Variants in GOT1 observed in about 807,000 individuals in gnomAD.
GOT1 encodes the protein glutamic-oxaloacetic transaminase 1, also known as aspartate aminotransferase, cytoplasmic.
A neutral mutation model predicts 48.2 loss-of-function variants in GOT1; 25 were observed. The ratio of observed to expected loss-of-function variants is 0.52; its 90% CI spans 0.38 to 0.72. The LOEUF (loss-of-function observed/expected upper bound fraction) is 0.72, where lower values mean the gene tolerates loss of function less well. Ranked by LOEUF, GOT1 falls within the 30% of genes least tolerant of loss-of-function variation. The pLI is 0.00. For missense variants in GOT1, 380 were observed against 520.1 expected (o/e 0.73, Z 2.62); for synonymous variants, 188 against 193.8 (o/e 0.97, Z 0.25).
intron 2 of GOT1, among the ~76,000 whole-genome samples, chr10:99,411,316 T>C (rs370873013): frequency 1.8e-3 from 268 of 152,280 alleles, no homozygotes; most frequent in Admixed American, 3.7e-3. Flanking sequence ...GACATTTCTG[T>C]CTGGATCCTA....
intron 2 of GOT1, among the ~76,000 whole-genome samples, chr10:99,414,326 A>T (rs1336418642): frequency 6.6e-6 from 1 of 152,218 alleles, no homozygotes; most frequent in African/African-American, 2.4e-5. Flanking sequence ...ACCAACAAAG[A>T]TCAAAAGAGA....
intron 3 of GOT1, 108 bp downstream of exon 3, chr10:99,406,618 A>G (rs889284947): frequency 9.2e-7 from 1 of 1,085,498 alleles, no homozygotes. Flanking sequence ...CATTCCCAAC[A>G]GTCAGTTGTT....
rs2033107778 is a variant in GOT1, at chr10:99,430,619, A to G, written c.-54T>C. ...ACCCCACGCCCGGAGCTGGCAGGTCAGGTCTGGCCGTTGCGACTGGAGGAG... is the reference window on the plus strand; with the variant it reads ...ACCCCACGCCCGGAGCTGGCAGGTCGGGTCTGGCCGTTGCGACTGGAGGAG... On this transcript the variant is annotated 5_prime_UTR_variant, in exon 1 of 9. Coordinates refer to ENST00000370508, the MANE Select transcript of GOT1 (RefSeq NM_002079.3). The G allele has an allele frequency of 3.4e-6, 5 of 1,455,212 alleles. No homozygotes were observed. The Admixed American group carries it at 8.5e-5, about 25-fold the overall frequency. The allele number at this position is 1,455,212 out of a possible 1,614,324, so 90.1% of individuals were successfully genotyped here.
intron 6 of GOT1, 42 bp from the exon 7 acceptor site, chr10:99,403,676 G>C: frequency 6.2e-7 from 1 of 1,613,922 alleles, no homozygotes; most frequent in Non-Finnish European, 8.5e-7. Context: ...GCTGAAGCAG[G>C]GAGTGATGCG....
intron 1 of GOT1, 67 bp downstream of exon 1, chr10:99,430,381 T>A: frequency 6.2e-7 from 1 of 1,606,922 alleles, no homozygotes. Context: ...TCCCACAGTC[T>A]CCACGACCTG....
At chr10:99,404,021 T>G in intron 5 of GOT1, 147 bp from the exon 6 acceptor site, 1 of 685,372 alleles carries the variant, frequency 1.5e-6, no homozygotes, top group Non-Finnish European at 2.5e-6. Context: ...CAAGCTCCAC[T>G]TTACATCCAT....
chr10:99,409,507 G>A (rs749343445), intron 2 of GOT1, among the ~76,000 whole-genome samples: 5 of 152,120 alleles, frequency 3.3e-5, no homozygotes, highest in Non-Finnish European at 7.3e-5. Flanking sequence ...TAACATTGCT[G>A]CTAAAAGACA....
rs1440254979 is a variant in GOT1, at chr10:99,420,821, GAGTTATACAT to G, written c.119-26_119-17del. On this transcript the variant is annotated splice_polypyrimidine_tract_variant and intron_variant, in intron 1 of 8. Transcript: ENST00000370508. ...GTGCGATATGCTGGAGAATGGAAAA[GAGTTATACAT>G]AGTGGAGGCTCATGCTGTGTCCAAG... The G allele has an allele frequency of 6.2e-7, 1 of 1,605,090 alleles. No homozygotes were observed. Among genetic ancestry groups the G allele is most frequent in the Admixed American group, 1.7e-5 (1 of 59,718 alleles).
chr10:99,402,782 A>T, intron 7 of GOT1, 60 bp from the exon 8 acceptor site: 1 of 1,445,060 alleles, frequency 6.9e-7, no homozygotes. Context: ...ACCCGAAAAC[A>T]CACAGGTTTA....
In GOT1 at chr10:99,406,761, T is replaced by C. The variant is rs774466374; in HGVS notation, c.389A>G (p.Lys130Arg). 9.9e-6 allele frequency: 16 copies of C among 1,614,050 alleles called. No individual in the cohort carries two copies. The South Asian group carries it at 1.1e-4, about 11-fold the overall frequency. ...LARWYNGTNN[K>R]NTPVYVSSPT... is the part of the protein sequence containing the mutation. The stretch of plus-strand genomic sequence containing the variant: ...TGAGGACACATAGACAGGTGTGTTC[T>C]TGTTGTTTGTTCCATTGTACCAACG... The change falls in exon 3 of 9, where the codon AAG becomes AGG. Residue 130 changes from lysine (K) to arginine (R), a missense_variant. Lys to Arg is a conservative substitution (Grantham distance 26). Coordinates refer to ENST00000370508, the MANE Select transcript of GOT1 (RefSeq NM_002079.3).
At chr10:99,410,752 C>T (rs2032818324) in intron 2 of GOT1, among the ~76,000 whole-genome samples, 1 of 152,168 alleles carries the variant, frequency 6.6e-6, no homozygotes, top group South Asian at 2.1e-4. Context: ...GGCAAATTGT[C>T]CTACAGCCTA....
chr10:99,422,809 T>G (rs1304636497), intron 1 of GOT1, among the ~76,000 whole-genome samples: 2 of 152,266 alleles, frequency 1.3e-5, no homozygotes, highest in East Asian at 3.8e-4. Flanking sequence ...AAAATCATTT[T>G]ACATTTGCGC....
chr10:99,399,394 A>G (rs1455327887), intron 8 of GOT1, among the ~76,000 whole-genome samples: 1 of 152,156 alleles, frequency 6.6e-6, no homozygotes, highest in Non-Finnish European at 1.5e-5. Context: ...CATTCTTTCT[A>G]TAACCCCAAG....
intron 2 of GOT1, among the ~76,000 whole-genome samples, chr10:99,416,207 C>T (rs1293783422): frequency 6.6e-6 from 1 of 152,176 alleles, no homozygotes; most frequent in Non-Finnish European, 1.5e-5. Flanking sequence ...CGTCTCACCA[C>T]AAAATCTCCT....
chr10:99,400,234 A>G (rs2032653813), intron 8 of GOT1, among the ~76,000 whole-genome samples: 1 of 152,246 alleles, frequency 6.6e-6, no homozygotes. Flanking sequence ...CCAGGTTAAA[A>G]GCCCCATTCT....
intron 1 of GOT1, among the ~76,000 whole-genome samples, chr10:99,427,572 T>A (rs2033057304): frequency 6.6e-6 from 1 of 152,158 alleles, no homozygotes; most frequent in Admixed American, 6.5e-5. Context: ...CCTGGCCCAG[T>A]AGAATCTTAA....
chr10:99,406,283 A>T (rs762115411), intron 3 of GOT1, 34 bp from the exon 4 acceptor site: 1 of 1,466,258 alleles, frequency 6.8e-7, no homozygotes, highest in Non-Finnish European at 9.6e-7. Context: ...TAAGCACTTT[A>T]CAAACACTAG....
chr10:99,403,014 T>C (rs542982586), intron 7 of GOT1, among the ~76,000 whole-genome samples: 1 of 152,318 alleles, frequency 6.6e-6, no homozygotes, highest in African/African-American at 2.4e-5. Flanking sequence ...TAGATATTAA[T>C]AGGGCAATAT....
intron 2 of GOT1, among the ~76,000 whole-genome samples, chr10:99,412,087 T>C (rs1249636715): frequency 2.0e-5 from 3 of 152,140 alleles, no homozygotes; most frequent in Non-Finnish European, 2.9e-5. Flanking sequence ...AGGTGGGGAC[T>C]GGACAGCTAG....
Sources: allele counts gnomAD v4.1 joint callset (sites outside exome capture counted in the v4.1 genomes callset), GRCh38; gene constraint gnomAD v4.1.1; transcripts MANE v1.5; gene names NCBI Gene and HGNC (gene_info 2026-07-23, HGNC 2026-07-21).